The following TMEM132C variants were observed in gnomAD, a reference collection of about 807,000 sequenced individuals.
TMEM132C encodes transmembrane protein 132C.
TMEM132C carries 29 observed loss-of-function variants against 61.4 expected under a neutral mutation model. The observed-to-expected ratio is 0.47, with a 90% CI of 0.35 to 0.64. TMEM132C has a LOEUF of 0.64. Among genes scored for constraint, TMEM132C ranks in the 30% least tolerant of loss-of-function variants. The probability of loss-of-function intolerance (pLI) is 0.00; values close to 1 mark genes in which losing one functional copy is unlikely to be tolerated. For missense variants in TMEM132C, 1,408 were observed against 1,476.9 expected (o/e 0.95, Z 0.76); for synonymous variants, 656 against 633.1 (o/e 1.04, Z -0.54).
At chr12:128,549,617 A>G (rs1455262101) in intron 3 of TMEM132C, among the ~76,000 whole-genome samples, 1 of 152,154 alleles carries the variant, frequency 6.6e-6, no homozygotes, top group Admixed American at 6.5e-5. Context: ...CAAAGATGAG[A>G]TACTTAAAGA....
In TMEM132C at chr12:128,329,434, G is replaced by A. The variant is rs560412649; in HGVS notation, c.85+61947G>A. ...TGGCCATTTGTACAAGGCTGAAGGCGTGTGGTAAAGGTGGTTTGGCGGAAA... is the reference window on the plus strand; with the variant it reads ...TGGCCATTTGTACAAGGCTGAAGGCATGTGGTAAAGGTGGTTTGGCGGAAA... On this transcript the variant is annotated intron_variant, in intron 1 of 8. Transcript: ENST00000435159. 5.3e-4 allele frequency among the ~76,000 whole-genome samples: 80 copies of A among 152,284 alleles called. 1 individual carries two copies. Among genetic ancestry groups the A allele is most frequent in the African/African-American group, 1.9e-3 (78 of 41,550 alleles).
At chr12:128,696,789 G>A (rs1013390374) in intron 7 of TMEM132C, among the ~76,000 whole-genome samples, 3 of 152,334 alleles carry the variant, frequency 2.0e-5, no homozygotes, top group Non-Finnish European at 2.9e-5. Context: ...GAGGCAGAAA[G>A]CAATGTTTTG....
chr12:128,315,863 C>T (rs899846727), intron 1 of TMEM132C, among the ~76,000 whole-genome samples: 8 of 151,756 alleles, frequency 5.3e-5, no homozygotes, highest in African/African-American at 7.3e-5. Flanking sequence ...CACAAGCCCA[C>T]GGGTGACAAG....
intron 2 of TMEM132C, among the ~76,000 whole-genome samples, chr12:128,427,307 G>A (rs920000865): frequency 5.3e-5 from 8 of 151,864 alleles, no homozygotes; most frequent in African/African-American, 1.9e-4. Flanking sequence ...TGCTGTATCA[G>A]CTCCCATTTC....
chr12:128,704,034 C>T (rs1954820047), intron 8 of TMEM132C, among the ~76,000 whole-genome samples: 2 of 152,146 alleles, frequency 1.3e-5, no homozygotes, highest in Non-Finnish European at 2.9e-5. Flanking sequence ...GTCATTATTG[C>T]CCTGGGGAGG....
intron 1 of TMEM132C, among the ~76,000 whole-genome samples, chr12:128,368,234 C>G (rs1049411030): frequency 6.6e-6 from 1 of 152,210 alleles, no homozygotes; most frequent in African/African-American, 2.4e-5. Flanking sequence ...CAGCTCAGGA[C>G]TAATTTGTCC....
intron 3 of TMEM132C, among the ~76,000 whole-genome samples, chr12:128,546,080 C>T (rs1873940708): frequency 6.6e-6 from 1 of 152,184 alleles, no homozygotes; most frequent in Non-Finnish European, 1.5e-5. Context: ...AAAAGAAAAT[C>T]TGGTGTCCCA....
chr12:128,682,022 G>A (rs539057458), intron 5 of TMEM132C, among the ~76,000 whole-genome samples: 1 of 152,116 alleles, frequency 6.6e-6, no homozygotes, highest in South Asian at 2.1e-4. Context: ...TACCTTTTGT[G>A]TGGCCTGGCT....
At chr12:128,580,119 C>A (rs1875275908) in intron 3 of TMEM132C, among the ~76,000 whole-genome samples, 1 of 152,156 alleles carries the variant, frequency 6.6e-6, no homozygotes, top group African/African-American at 2.4e-5. Context: ...TCAGTTCCCC[C>A]ATCTGTAAAG....
rs885546 is a variant in TMEM132C, at chr12:128,697,265, A to G, written c.1971A>G (p.Thr657=). 0.94 allele frequency: 1,448,488 copies of G among 1,540,850 alleles called. 686,441 individuals are homozygous for G. Among genetic ancestry groups the G allele is most frequent in the Non-Finnish European group, 0.97 (1,104,243 of 1,138,092 alleles). ...CTGACTCCATCCTGGCAGAGAAGAC[A>G]ATAACCGTGCTAGATGACAAAGTAT... ...PLSDSILAEK[T]ITVLDDKVSV... The change falls in exon 8 of 9, where the codon ACA becomes ACG. Residue 657 remains threonine (T), a synonymous_variant. Coordinates refer to ENST00000435159, the MANE Select transcript of TMEM132C (RefSeq NM_001136103.3).
intron 2 of TMEM132C, among the ~76,000 whole-genome samples, chr12:128,482,829 C>T (rs967999735): frequency 6.6e-6 from 1 of 152,140 alleles, no homozygotes; most frequent in Non-Finnish European, 1.5e-5. Flanking sequence ...GAATCTCCCA[C>T]AATGCTTATC....
intron 3 of TMEM132C, among the ~76,000 whole-genome samples, chr12:128,573,026 T>C (rs1874949304): frequency 6.6e-6 from 1 of 152,200 alleles, no homozygotes; most frequent in Non-Finnish European, 1.5e-5. Flanking sequence ...AGTTCAACCA[T>C]TGTGGAAGAC....
chr12:128,325,704 AT>A (rs1872486724), intron 1 of TMEM132C, among the ~76,000 whole-genome samples: 1 of 152,116 alleles, frequency 6.6e-6, no homozygotes, highest in African/African-American at 2.4e-5. Context: ...GCTGAAGGAT[AT>A]CGTGGCTGTT....
chr12:128,681,976 G>T (rs914210209), intron 5 of TMEM132C, among the ~76,000 whole-genome samples: 1 of 151,938 alleles, frequency 6.6e-6, no homozygotes, highest in Non-Finnish European at 1.5e-5. Flanking sequence ...GGCCCAGATG[G>T]TATCTTTACA....
intron 3 of TMEM132C, among the ~76,000 whole-genome samples, chr12:128,564,985 G>T (rs1565975795): frequency 6.6e-6 from 1 of 152,148 alleles, no homozygotes; most frequent in Non-Finnish European, 1.5e-5. Context: ...GTCTGAGAAA[G>T]ATAATAATTA....
At chr12:128,401,906 T>A (rs11829093) in intron 1 of TMEM132C, among the ~76,000 whole-genome samples, 5,743 of 152,194 alleles carry the variant, frequency 0.038, 353 homozygotes, top group African/African-American at 0.13. Context: ...ACCCTCCCCA[T>A]AGATGTTTAC....
At chr12:128,450,599 A>G (rs1870146061) in intron 2 of TMEM132C, among the ~76,000 whole-genome samples, 1 of 152,226 alleles carries the variant, frequency 6.6e-6, no homozygotes, top group African/African-American at 2.4e-5. Flanking sequence ...TATGATTTGT[A>G]TTCATATGCA....
At position 128,415,150 on chromosome 12, in the gene TMEM132C, A is replaced by G. The variant is rs761907910; in HGVS notation, c.504A>G (p.Pro168=). ...ACCACGGCGCCGGGGAGAAGCTGCC[A>G]TGCCTGAGGGTCTTTGCTTTCCGAG... The part of the protein sequence containing the change: ...WDDHGAGEKL[P]CLRVFAFRET... The change falls in exon 2 of 9, where the codon CCA becomes CCG. Residue 168 remains proline (P), a synonymous_variant. Transcript: ENST00000435159. The surrounding 1 kb of genome is among the most constrained non-coding windows in gnomAD (Gnocchi z 5.8). 6.0e-5 allele frequency: 96 copies of G among 1,610,934 alleles called. No homozygotes were observed. The highest frequency in any genetic ancestry group is 7.6e-5 in the Non-Finnish European group (89 of 1,178,618).
At chr12:128,411,475 T>C (rs6486614) in intron 1 of TMEM132C, among the ~76,000 whole-genome samples, 57,938 of 152,018 alleles carry the variant, frequency 0.38, 12,031 homozygotes, top group Non-Finnish European at 0.47. Context: ...AACATCATTA[T>C]TTATTTTGAT....
Sources: gnomAD v4.1 joint callset for allele counts (sites outside exome capture counted in the v4.1 genomes callset) on GRCh38, gnomAD v4.1.1 for gene constraint, Gnocchi (gnomAD v3.1) non-coding constraint, MANE v1.5 for transcripts, NCBI Gene and HGNC (gene_info 2026-07-23, HGNC 2026-07-21) for gene names.